GTF2H3: variants seen among roughly 807,000 people sequenced by gnomAD.
GTF2H3 encodes the protein general transcription factor IIH subunit 3, also known as TFIIH basal transcription factor complex p34 subunit.
In GTF2H3, 42 loss-of-function variants were observed where a neutral mutation model predicts 51.1. The ratio of observed to expected loss-of-function variants is 0.82; its 90% CI spans 0.64 to 1.06. GTF2H3 has a LOEUF of 1.06. GTF2H3 is among the 50% of genes least tolerant of loss of function. The probability of loss-of-function intolerance (pLI) is 0.00; values close to 1 mark genes in which losing one functional copy is unlikely to be tolerated. For missense variants in GTF2H3, 326 were observed against 366.1 expected (o/e 0.89, Z 0.89); for synonymous variants, 123 against 123.8 (o/e 0.99, Z 0.04).
At chr12:123,639,464 A>C in intron 2 of GTF2H3, 121 bp downstream of exon 2, 1 of 561,302 alleles carries the variant, frequency 1.8e-6, no homozygotes, top group Non-Finnish European at 3.2e-6. Context: ...CCACTGTACA[A>C]TTCAGTGATT....
chr12:123,651,233 G>A (rs948136697), intron 5 of GTF2H3, 177 bp downstream of exon 5: 3 of 491,056 alleles, frequency 6.1e-6, no homozygotes, highest in African/African-American at 3.9e-5. Flanking sequence ...CTTTTTTTGA[G>A]ACAGTCTCAC....
At chr12:123,657,736 T>C (rs1955605048) in intron 9 of GTF2H3, among the ~76,000 whole-genome samples, 2 of 152,226 alleles carry the variant, frequency 1.3e-5, no homozygotes, top group South Asian at 4.1e-4. Flanking sequence ...GCTGTAACCC[T>C]GCACAGTGCT....
At chr12:123,645,678 T>C (rs1955436548) in intron 3 of GTF2H3, 117 bp downstream of exon 3, 2 of 621,566 alleles carry the variant, frequency 3.2e-6, no homozygotes, top group South Asian at 2.0e-5. Context: ...TCTGTACCAG[T>C]GAACAGCCAC....
chr12:123,638,094 C>T (rs1435715218), intron 1 of GTF2H3, among the ~76,000 whole-genome samples: 1 of 151,612 alleles, frequency 6.6e-6, no homozygotes, highest in African/African-American at 2.4e-5. Context: ...ACTTCCCGGT[C>T]TCAAGCGATC....
chr12:123,646,149 C>T (rs1374509909), intron 3 of GTF2H3, among the ~76,000 whole-genome samples: 4 of 152,122 alleles, frequency 2.6e-5, no homozygotes, highest in African/African-American at 9.7e-5. Context: ...TAAATGTGAC[C>T]GCAGATACAG....
chr12:123,645,925 T>C (rs895476786), intron 3 of GTF2H3, among the ~76,000 whole-genome samples: 2 of 152,230 alleles, frequency 1.3e-5, no homozygotes, highest in Admixed American at 1.3e-4. Context: ...TGTTTTCCTT[T>C]AGCTCTGCGT....
chr12:123,645,008 T>C (rs1453271857), intron 2 of GTF2H3, among the ~76,000 whole-genome samples: 2 of 152,232 alleles, frequency 1.3e-5, no homozygotes, highest in Non-Finnish European at 2.9e-5. Flanking sequence ...TTTATGGCTT[T>C]GGAGGAGGGG....
chr12:123,636,832 G>A (rs1475806309), intron 1 of GTF2H3, among the ~76,000 whole-genome samples: 3 of 152,048 alleles, frequency 2.0e-5, no homozygotes, highest in African/African-American at 7.2e-5. Context: ...CAGGAGAATC[G>A]CTTGATCCCG....
chr12:123,648,667 C>T (rs1955481705), intron 4 of GTF2H3, among the ~76,000 whole-genome samples: 1 of 152,190 alleles, frequency 6.6e-6, no homozygotes, highest in African/African-American at 2.4e-5. Flanking sequence ...TTCCCTATTT[C>T]TGTCAGCTCC....
intron 2 of GTF2H3, among the ~76,000 whole-genome samples, chr12:123,644,664 C>CAA (rs1252301848): frequency 8.6e-6 from 1 of 116,442 alleles, no homozygotes; most frequent in Non-Finnish European, 1.8e-5. Context: ...GACTCCATCT[C>CAA]AAAAAAAAAA....
chr12:123,648,709 C>T (rs1955482071), intron 4 of GTF2H3, among the ~76,000 whole-genome samples: 1 of 152,216 alleles, frequency 6.6e-6, no homozygotes, highest in South Asian at 2.1e-4. Flanking sequence ...TTAAAGCTTT[C>T]ATTTTTAACT....
chr12:123,657,395 A>G (rs1218049447), intron 9 of GTF2H3, among the ~76,000 whole-genome samples: 1 of 151,914 alleles, frequency 6.6e-6, no homozygotes, highest in Admixed American at 6.5e-5. Flanking sequence ...GTCCGGCCCC[A>G]CCGCCCCCTT....
At chr12:123,636,790 G>A (rs1456160412) in intron 1 of GTF2H3, among the ~76,000 whole-genome samples, 1 of 152,220 alleles carries the variant, frequency 6.6e-6, no homozygotes, top group Non-Finnish European at 1.5e-5. Flanking sequence ...GGTGGTGCAT[G>A]CCTGTAATCC....
At chr12:123,659,722 T>C (rs532345098) in intron 10 of GTF2H3, 73 bp from the exon 11 acceptor site, 3 of 1,533,536 alleles carry the variant, frequency 2.0e-6, no homozygotes, top group South Asian at 1.1e-5. Flanking sequence ...TTCCAAGGCC[T>C]AGAAGGGTGG....
chr12:123,650,712 T>G (rs549621783), intron 4 of GTF2H3, among the ~76,000 whole-genome samples: 1 of 152,356 alleles, frequency 6.6e-6, no homozygotes, highest in South Asian at 2.1e-4. Flanking sequence ...ACTGAAATTC[T>G]GTACCCATTA....
At chr12:123,638,570 A>T (rs1174116743) in intron 1 of GTF2H3, among the ~76,000 whole-genome samples, 1 of 151,884 alleles carries the variant, frequency 6.6e-6, no homozygotes, top group African/African-American at 2.4e-5. Context: ...TTGGCCTCCC[A>T]AAGTGCTAGG....
chr12:123,642,600 A>G (rs757151637), intron 2 of GTF2H3, among the ~76,000 whole-genome samples: 14 of 152,230 alleles, frequency 9.2e-5, no homozygotes, highest in South Asian at 2.1e-4. Context: ...TACTGTATGT[A>G]TCTTATCATT....
chr12:123,644,318 G>T (rs1369541195), intron 2 of GTF2H3, among the ~76,000 whole-genome samples: 2 of 152,056 alleles, frequency 1.3e-5, no homozygotes, highest in Non-Finnish European at 2.9e-5. Context: ...ATTAGTTCTT[G>T]TGGGAAGGTG....
At chr12:123,650,137 C>G (rs1332816330) in intron 4 of GTF2H3, 1 of 152,232 alleles carries the variant, frequency 6.6e-6, no homozygotes, top group Non-Finnish European at 1.5e-5. Flanking sequence ...CTGACCTCAC[C>G]CATGAGGTGT....
Sources: allele counts gnomAD v4.1 joint callset (sites outside exome capture counted in the v4.1 genomes callset), GRCh38; gene constraint gnomAD v4.1.1; transcripts MANE v1.5; gene names NCBI Gene and HGNC (gene_info 2026-07-23, HGNC 2026-07-21).